Variants in MAGI1 observed in about 807,000 individuals in gnomAD.
MAGI1 encodes the protein membrane associated guanylate kinase, WW and PDZ domain containing 1.
MAGI1 carries 58 observed loss-of-function variants against 139.9 expected under a neutral mutation model. The ratio of observed to expected loss-of-function variants is 0.41; its 90% CI spans 0.34 to 0.52. The LOEUF is 0.52. Ranked by LOEUF, MAGI1 falls within the 20% of genes least tolerant of loss-of-function variation. MAGI1 has a pLI of 0.12. For synonymous variants in MAGI1, 812 were observed against 737.9 expected (o/e 1.10, Z -1.63); for missense variants, 1,874 against 1,901.6 (o/e 0.99, Z 0.27).
intron 1 of MAGI1, among the ~76,000 whole-genome samples, chr3:65,766,610 C>T (rs1362008744): frequency 1.3e-5 from 2 of 151,070 alleles, no homozygotes; most frequent in African/African-American, 4.9e-5. Context: ...GAATAAGAGG[C>T]TGGGTGCGGT....
At chr3:65,438,596 C>A (rs1426255303) in intron 9 of MAGI1, among the ~76,000 whole-genome samples, 1 of 152,194 alleles carries the variant, frequency 6.6e-6, no homozygotes, top group African/African-American at 2.4e-5. Flanking sequence ...CACAGACATA[C>A]ATACCTACTC....
chr3:65,371,773 G>A (rs866569005), intron 18 of MAGI1: 5 of 230,310 alleles, frequency 2.2e-5, no homozygotes, highest in Middle Eastern at 6.0e-4. Flanking sequence ...TTTACCAGTA[G>A]ATTCCATCTC....
intron 1 of MAGI1, among the ~76,000 whole-genome samples, chr3:66,008,017 C>T (rs559982958): frequency 1.3e-5 from 2 of 152,014 alleles, no homozygotes; most frequent in African/African-American, 4.8e-5. Context: ...TTGCTTCAGC[C>T]TCCCAAGTAG....
At chr3:65,450,536 T>A (rs1948969072) in intron 6 of MAGI1, among the ~76,000 whole-genome samples, 1 of 152,068 alleles carries the variant, frequency 6.6e-6, no homozygotes, top group African/African-American at 2.4e-5. Context: ...GTATATTACG[T>A]AATTTGGGGG....
intron 1 of MAGI1, among the ~76,000 whole-genome samples, chr3:65,644,114 C>G (rs2085130395): frequency 6.6e-6 from 1 of 152,142 alleles, no homozygotes. Flanking sequence ...CTTCTACCCC[C>G]ACTGGACTGT....
chr3:65,884,544 G>A (rs1423748520), intron 1 of MAGI1, among the ~76,000 whole-genome samples: 1 of 152,108 alleles, frequency 6.6e-6, no homozygotes, highest in Non-Finnish European at 1.5e-5. Flanking sequence ...CTAAAATACT[G>A]AGCTATTAAA....
chr3:65,927,875 C>T (rs1046871105), intron 1 of MAGI1, among the ~76,000 whole-genome samples: 13 of 152,086 alleles, frequency 8.5e-5, no homozygotes, highest in Admixed American at 2.0e-4. Flanking sequence ...ACACCTGGCG[C>T]TCAGGAAAAT....
intron 1 of MAGI1, among the ~76,000 whole-genome samples, chr3:65,705,331 T>C (rs2030012339): frequency 6.6e-6 from 1 of 152,190 alleles, no homozygotes; most frequent in Non-Finnish European, 1.5e-5. Context: ...TATGATGTGC[T>C]TTTTGAATTT....
At chr3:65,980,125 T>G (rs1019221665) in intron 1 of MAGI1, among the ~76,000 whole-genome samples, 1 of 152,216 alleles carries the variant, frequency 6.6e-6, no homozygotes, top group Non-Finnish European at 1.5e-5. Context: ...GTCCAGCTTT[T>G]AAAAAGCTGG....
At chr3:65,512,652 T>C (rs1444421936) in intron 2 of MAGI1, among the ~76,000 whole-genome samples, 1 of 151,738 alleles carries the variant, frequency 6.6e-6, no homozygotes, top group East Asian at 1.9e-4. Context: ...GCTGAAATTG[T>C]GGCAATAATC....
chr3:65,769,780 T>G (rs1409167754), intron 1 of MAGI1, among the ~76,000 whole-genome samples: 2 of 152,206 alleles, frequency 1.3e-5, no homozygotes, highest in Non-Finnish European at 2.9e-5. Flanking sequence ...TATGTAACAG[T>G]GCCTGTTAAA....
In MAGI1 at chr3:65,997,549, G is replaced by A. The variant is rs201746832; in HGVS notation, c.313+40447C>T. ...CGGGTGCCTGTAGTCCCAGCTACTC[G>A]GGAGGCTGAGGCAGGAGAATGGCAT... On this transcript the variant is annotated intron_variant, in intron 1 of 22. Coordinates refer to ENST00000402939, the MANE Select transcript of MAGI1 (RefSeq NM_001033057.2). 3.3e-5 allele frequency among the ~76,000 whole-genome samples: 5 copies of A among 152,116 alleles called. No individual in the cohort carries two copies. In the East Asian group the frequency reaches 7.8e-4, roughly 24 times the overall value.
intron 1 of MAGI1, among the ~76,000 whole-genome samples, chr3:65,886,442 T>C (rs2060534748): frequency 6.6e-6 from 1 of 152,178 alleles, no homozygotes; most frequent in Admixed American, 6.5e-5. Flanking sequence ...CTGAGTTACC[T>C]CCAAAAATAC....
chr3:65,753,263 G>A (rs537161058), intron 1 of MAGI1, among the ~76,000 whole-genome samples: 2 of 152,072 alleles, frequency 1.3e-5, no homozygotes, highest in Admixed American at 1.3e-4. Flanking sequence ...AACTGTCCAG[G>A]CTCGTCAGAA....
chr3:65,515,812 A>G (rs902295874), intron 2 of MAGI1, among the ~76,000 whole-genome samples: 4 of 152,198 alleles, frequency 2.6e-5, no homozygotes, highest in African/African-American at 9.7e-5. Context: ...AATACTTTAC[A>G]GAGAAAAGGT....
chr3:65,935,809 A>C (rs901409758), intron 1 of MAGI1, among the ~76,000 whole-genome samples: 1 of 152,228 alleles, frequency 6.6e-6, no homozygotes, highest in Non-Finnish European at 1.5e-5. Context: ...TAAGGAAGCC[A>C]GTCTAGCCTA....
At chr3:65,432,711 C>T (rs537139999) in intron 10 of MAGI1, among the ~76,000 whole-genome samples, 3 of 152,218 alleles carry the variant, frequency 2.0e-5, no homozygotes, top group African/African-American at 7.2e-5. Flanking sequence ...GAGACAGCTG[C>T]CAAGACAATT....
At chr3:65,889,085 C>T (rs920321379) in intron 1 of MAGI1, among the ~76,000 whole-genome samples, 8 of 152,088 alleles carry the variant, frequency 5.3e-5, no homozygotes, top group Non-Finnish European at 2.9e-5. Flanking sequence ...AACCAAGAGA[C>T]GCTAAAAGTA....
intron 2 of MAGI1, among the ~76,000 whole-genome samples, chr3:65,544,898 G>A (rs1481128068): frequency 2.0e-5 from 3 of 152,286 alleles, no homozygotes; most frequent in African/African-American, 4.8e-5. Flanking sequence ...TAATACATGT[G>A]AGTGTGATTT....
Sources: allele counts gnomAD v4.1 joint callset (sites outside exome capture counted in the v4.1 genomes callset), GRCh38; gene constraint gnomAD v4.1.1; transcripts MANE v1.5; gene names NCBI Gene and HGNC (gene_info 2026-07-23, HGNC 2026-07-21).